ADGRA2: variants seen among roughly 807,000 people sequenced by gnomAD.
The protein encoded by ADGRA2 is G-protein coupled receptor 124.
ADGRA2 carries 61 observed loss-of-function variants against 98.7 expected under a neutral mutation model. The observed-to-expected ratio is 0.62, with a 90% CI of 0.50 to 0.76. The LOEUF (loss-of-function observed/expected upper bound fraction) is 0.76. ADGRA2 is among the 30% of genes least tolerant of loss of function. The probability of loss-of-function intolerance (pLI) is 0.00; values close to 1 mark genes in which losing one functional copy is unlikely to be tolerated. For synonymous variants in ADGRA2, 858 were observed against 831.5 expected (o/e 1.03, Z -0.55); for missense variants, 1,712 against 1,860.0 (o/e 0.92, Z 1.46).
chr8:37,797,576 G>A lies in ADGRA2; in HGVS notation c.266+42G>A. 7.6e-7 allele frequency: 1 copy of A among 1,320,664 alleles called. No homozygotes were observed. 81.8% of individuals were successfully genotyped at this position (1,320,664 alleles called of 1,614,324 possible). A position where few individuals can be genotyped will look rare whatever the true frequency, so the allele number is the denominator to read the frequency against. ...GCCAGTTCCGTCCGAGCCGGGACTG[G>A]GGACGAAGGGAGGCGAGACGGGAGG... On this transcript the variant is annotated intron_variant, in intron 1 of 18. Coordinates refer to ENST00000412232, the MANE Select transcript of ADGRA2 (RefSeq NM_032777.10). This position sits in a 1 kb window ranked among gnomAD's most constrained non-coding sequence, Gnocchi z 5.3.
At chr8:37,829,133 GCC>G (rs935981018) in intron 3 of ADGRA2, 126 bp from the exon 4 acceptor site, 2 of 851,054 alleles carry the variant, frequency 2.4e-6, no homozygotes, top group African/African-American at 3.4e-5. Flanking sequence ...CTGCGGCCTG[GCC>G]CCAACCTCAT....
intron 1 of ADGRA2, among the ~76,000 whole-genome samples, chr8:37,812,137 A>T (rs1269828850): frequency 6.7e-6 from 1 of 150,302 alleles, no homozygotes; most frequent in Non-Finnish European, 1.5e-5. Context: ...ATTTAAAATG[A>T]CATGCACTTG....
At position 37,844,627 on chromosome 8, in the gene ADGRA2, CAG is replaced by C. The variant is rs750695388; in HGVS notation, c.*2273_*2274del. 3.9e-5 allele frequency: 63 copies of C among 1,614,002 alleles called. No individual in the cohort carries two copies. The highest frequency in any genetic ancestry group is 1.6e-4 in the Middle Eastern group (1 of 6,084). Reference sequence around the variant, plus strand: ...TTCTCATCTCCAGTGACAGTGGAGACAGGGGGTACAGGGCAGATCCGCTTCGG... The same window carrying C: ...TTCTCATCTCCAGTGACAGTGGAGACGGGGTACAGGGCAGATCCGCTTCGG... On this transcript the variant is annotated 3_prime_UTR_variant, in exon 19 of 19. Transcript: ENST00000412232.
chr8:37,820,148 G>A (rs1805090934), intron 2 of ADGRA2, among the ~76,000 whole-genome samples: 1 of 152,226 alleles, frequency 6.6e-6, no homozygotes, highest in South Asian at 2.1e-4. Flanking sequence ...CTGATTGGAT[G>A]AGGCCCACCC....
intron 2 of ADGRA2, among the ~76,000 whole-genome samples, chr8:37,821,530 C>G (rs958680883): frequency 1.3e-5 from 2 of 152,206 alleles, no homozygotes; most frequent in African/African-American, 4.8e-5. Context: ...GGGGACTAGG[C>G]CACAGGAAGA....
At chr8:37,805,458 C>G (rs1342557390) in intron 1 of ADGRA2, among the ~76,000 whole-genome samples, 3 of 152,110 alleles carry the variant, frequency 2.0e-5, no homozygotes, top group African/African-American at 7.2e-5. Flanking sequence ...AGGTCTGCGC[C>G]GCGTGTGTTG....
At chr8:37,829,632 C>A in intron 5 of ADGRA2, 73 bp downstream of exon 5, 1 of 1,157,782 alleles carries the variant, frequency 8.6e-7, no homozygotes, top group Non-Finnish European at 1.3e-6. Flanking sequence ...GTATAAGTAT[C>A]ATGACCACCA....
chr8:37,844,710 T>C lies in ADGRA2; in HGVS notation c.*2355T>C. 1 of 1,614,122 alleles carries C rather than the reference T, an allele frequency of 6.2e-7. No homozygotes were observed. The highest frequency in any genetic ancestry group is 8.5e-7 in the Non-Finnish European group (1 of 1,180,034). ...GGCAGGACTGGCCGGCCGCTTCCCCTGGGGTAAACCTAAGGAATTATTTCC... is the reference window on the plus strand; with the variant it reads ...GGCAGGACTGGCCGGCCGCTTCCCCCGGGGTAAACCTAAGGAATTATTTCC... On this transcript the variant is annotated 3_prime_UTR_variant, in exon 19 of 19. Transcript: ENST00000412232.
At position 37,835,683 on chromosome 8, in the gene ADGRA2, C is replaced by A. The variant is rs1805590076; in HGVS notation, c.1963C>A (p.His655Asn). 6.2e-7 allele frequency: 1 copy of A among 1,613,822 alleles called. No homozygotes were observed. The highest frequency in any genetic ancestry group is 8.5e-7 in the Non-Finnish European group (1 of 1,179,980). ...LLVFRNGRLF[H>N]SHSNTSRPGA... Reference sequence around the variant, plus strand: ...CGTCTTCCGAAATGGCCGCCTCTTCCACAGCCACAGCAACACCTCCCGCCC... The same window carrying A: ...CGTCTTCCGAAATGGCCGCCTCTTCAACAGCCACAGCAACACCTCCCGCCC... The change falls in exon 13 of 19, where the codon CAC becomes AAC. Residue 655 changes from histidine (H) to asparagine (N), a missense_variant. Coordinates refer to ENST00000412232, the MANE Select transcript of ADGRA2 (RefSeq NM_032777.10).
rs1377108860 is a variant in ADGRA2 at position 37,830,720 on chromosome 8, G to A, written c.729G>A (p.Leu243=). 1 of 1,602,194 alleles carries A rather than the reference G, an allele frequency of 6.2e-7. No individual in the cohort carries two copies. Among genetic ancestry groups the A allele is most frequent in the East Asian group, 2.3e-5 (1 of 44,116 alleles). The change falls in exon 7 of 19, where the codon CTG becomes CTA. Residue 243 remains leucine (L), a synonymous_variant. Transcript: ENST00000412232. The surrounding 1 kb of genome is among the most constrained non-coding windows in gnomAD (Gnocchi z 4.8). ...TGTCTCCTCCCACAGAGGGGGCCCTGGAGCTGCACACACACCACCTCATCC... is the reference window on the plus strand; with the variant it reads ...TGTCTCCTCCCACAGAGGGGGCCCTAGAGCTGCACACACACCACCTCATCC... ...QEAQLCCEGA[L]ELHTHHLIPS... is the part of the protein sequence containing the mutation.
intron 1 of ADGRA2, among the ~76,000 whole-genome samples, chr8:37,806,432 C>T (rs1017826148): frequency 2.6e-5 from 4 of 152,026 alleles, no homozygotes; most frequent in African/African-American, 7.3e-5. Flanking sequence ...ACTGTTTCCT[C>T]TTCCTCTCTG....
chr8:37,808,134 GC>G (rs1314695145), intron 1 of ADGRA2, among the ~76,000 whole-genome samples: 1 of 152,184 alleles, frequency 6.6e-6, no homozygotes, highest in Non-Finnish European at 1.5e-5. Flanking sequence ...GACTCGGTGT[GC>G]CCCCTCTCTC....
In ADGRA2 at chr8:37,841,506, G is replaced by A; in HGVS notation, c.3168G>A (p.Val1056=). 1 of 1,612,942 alleles carries A rather than the reference G, an allele frequency of 6.2e-7. No individual in the cohort carries two copies. The highest frequency in any genetic ancestry group is 8.5e-7 in the Non-Finnish European group (1 of 1,179,872). The change falls in exon 19 of 19, where the codon GTG becomes GTA. Residue 1056 remains valine (V), a synonymous_variant. Coordinates refer to ENST00000412232, the MANE Select transcript of ADGRA2 (RefSeq NM_032777.10). This position sits in a 1 kb window ranked among gnomAD's most constrained non-coding sequence, Gnocchi z 5.0. ...TGGTGTGCAGCTGCTTGTACGGGGT[G>A]GCAGCCTCCGCCCTGGGCCTCTTCG... ...PRVVCSCLYG[V]AASALGLFVF...
rs796079727 is a variant in ADGRA2 at position 37,805,392 on chromosome 8, G to C, written c.266+7858G>C. ...GGAAAGGTCAAAGATGAGTATCTGC[G>C]TAGGTAGAAAACATTGATAACTTCC... On this transcript the variant is annotated intron_variant, in intron 1 of 18. Coordinates refer to ENST00000412232, the MANE Select transcript of ADGRA2 (RefSeq NM_032777.10). Among the ~76,000 whole-genome samples, 3 of 152,320 alleles carry C rather than the reference G, an allele frequency of 2.0e-5. 1 individual carries two copies. Among genetic ancestry groups the C allele is most frequent in the African/African-American group, 7.2e-5 (3 of 41,572 alleles).
chr8:37,839,468 C>T (rs368960055), intron 15 of ADGRA2, 31 bp from the exon 16 acceptor site: 49 of 1,612,814 alleles, frequency 3.0e-5, no homozygotes, highest in East Asian at 4.5e-5. Flanking sequence ...TTGGGTTGGA[C>T]GGCCATTAAT....
chr8:37,802,910 A>T lies in ADGRA2; in HGVS notation c.266+5376A>T, dbSNP rs902262316. ...TGACTCCGCCCCCAGTGGGTCCAAG[A>T]TCCCAAATGTGTTATTTGGCCGGAG... is the stretch of plus-strand genomic sequence containing the variant. On this transcript the variant is annotated intron_variant, in intron 1 of 18. Coordinates refer to ENST00000412232, the MANE Select transcript of ADGRA2 (RefSeq NM_032777.10). This position sits in a 1 kb window ranked among gnomAD's most constrained non-coding sequence, Gnocchi z 4.7. 2.0e-5 allele frequency among the ~76,000 whole-genome samples: 3 copies of T among 152,096 alleles called. No individual in the cohort carries two copies. Among genetic ancestry groups the T allele is most frequent in the Non-Finnish European group, 4.4e-5 (3 of 68,006 alleles).
At position 37,805,697 on chromosome 8, in the gene ADGRA2, G is replaced by A. The variant is rs565935312; in HGVS notation, c.266+8163G>A. On this transcript the variant is annotated intron_variant, in intron 1 of 18. Coordinates refer to ENST00000412232, the MANE Select transcript of ADGRA2 (RefSeq NM_032777.10). ...ATCCTGGCTAACACAGTGAAACCCC[G>A]TCTCTACTAAAAATACAAAAAATTA... 3.3e-5 allele frequency among the ~76,000 whole-genome samples: 5 copies of A among 151,832 alleles called. No individual in the cohort carries two copies. In the South Asian group the frequency reaches 6.3e-4, roughly 19 times the overall value.
chr8:37,812,903 G>T (rs1468143477), intron 1 of ADGRA2, among the ~76,000 whole-genome samples: 1 of 151,896 alleles, frequency 6.6e-6, no homozygotes, highest in Admixed American at 6.6e-5. Flanking sequence ...TTGCCCAGCT[G>T]GTCTTGAACT....
Position 37,797,547 on chromosome 8 carries a change from C to T in ADGRA2, c.266+13C>T. ...GCACCGTTACCCTGTGAGTACCCTA[C>T]CAGGCCAGTTCCGTCCGAGCCGGGA... is the stretch of plus-strand genomic sequence containing the variant. On this transcript the variant is annotated intron_variant, in intron 1 of 18. Coordinates refer to ENST00000412232, the MANE Select transcript of ADGRA2 (RefSeq NM_032777.10). This position sits in a 1 kb window ranked among gnomAD's most constrained non-coding sequence, Gnocchi z 5.3. 1 of 1,377,276 alleles carries T rather than the reference C, an allele frequency of 7.3e-7. No individual in the cohort carries two copies. The highest frequency in any genetic ancestry group is 9.4e-7 in the Non-Finnish European group (1 of 1,059,888). The allele number at this position is 1,377,276 out of a possible 1,614,324, so 85.3% of individuals were successfully genotyped here.
Sources: allele counts gnomAD v4.1 joint callset (sites outside exome capture counted in the v4.1 genomes callset), GRCh38; gene constraint gnomAD v4.1.1; non-coding constraint Gnocchi (gnomAD v3.1); transcripts MANE v1.5; gene names NCBI Gene and HGNC (gene_info 2026-07-23, HGNC 2026-07-21).